GRID2: variants seen among roughly 807,000 people sequenced by gnomAD.
The protein encoded by GRID2 is glutamate receptor ionotropic, delta-2.
A neutral mutation model predicts 114.8 loss-of-function variants in GRID2; 33 were observed. That is an observed-to-expected ratio of 0.29 (90% CI 0.22 to 0.38). The LOEUF (loss-of-function observed/expected upper bound fraction) is 0.38, where lower values mean the gene tolerates loss of function less well. Among genes scored for constraint, GRID2 ranks in the 10% least tolerant of loss-of-function variants. The pLI is 1.00. For synonymous variants in GRID2, 505 were observed against 449.9 expected, an observed-to-expected ratio of 1.12 and a Z score of -1.55; for missense variants, 1,184 against 1,257.7, an observed-to-expected ratio of 0.94 and a Z score of 0.89.
intron 9 of GRID2, among the ~76,000 whole-genome samples, chr4:93,397,648 C>T (rs1248448202): frequency 2.0e-5 from 3 of 151,828 alleles, no homozygotes; most frequent in African/African-American, 7.3e-5. Context: ...AGAAAAACAG[C>T]TCAGATTGAT....
chr4:93,591,268 G>C (rs1025297697), intron 13 of GRID2, among the ~76,000 whole-genome samples: 1 of 151,778 alleles, frequency 6.6e-6, no homozygotes, highest in African/African-American at 2.4e-5. Flanking sequence ...AGCATGAAAA[G>C]TTGTTGAATT....
At chr4:93,213,466 TAGAAGATG>T (rs1408029102) in intron 5 of GRID2, among the ~76,000 whole-genome samples, 2 of 152,196 alleles carry the variant, frequency 1.3e-5, no homozygotes, top group Admixed American at 6.6e-5. Context: ...TATAAGTCTT[TAGAAGATG>T]ATAAAATCTT....
chr4:92,997,926 G>A (rs376416253), intron 2 of GRID2, among the ~76,000 whole-genome samples: 25 of 151,882 alleles, frequency 1.6e-4, no homozygotes, highest in African/African-American at 5.8e-4. Flanking sequence ...CTCACATATC[G>A]TGAATTCCAG....
intron 4 of GRID2, among the ~76,000 whole-genome samples, chr4:93,136,484 AT>A (rs921745834): frequency 1.3e-5 from 2 of 152,104 alleles, no homozygotes; most frequent in African/African-American, 4.8e-5. Context: ...TGAGATGAAA[AT>A]GTCATACTGC....
chr4:92,872,761 C>T (rs1266613785), intron 2 of GRID2, among the ~76,000 whole-genome samples: 3 of 152,152 alleles, frequency 2.0e-5, no homozygotes, highest in Non-Finnish European at 4.4e-5. Context: ...TGACCTTACC[C>T]CTTGGACCCA....
At chr4:93,400,552 C>T (rs1175877060) in intron 9 of GRID2, among the ~76,000 whole-genome samples, 1 of 151,818 alleles carries the variant, frequency 6.6e-6, no homozygotes, top group Non-Finnish European at 1.5e-5. Context: ...TTCATGAAAA[C>T]ACTATTGGAA....
chr4:93,194,074 C>T (rs934672919), intron 4 of GRID2, among the ~76,000 whole-genome samples: 6 of 152,044 alleles, frequency 3.9e-5, no homozygotes, highest in Non-Finnish European at 5.9e-5. Flanking sequence ...AACAGTTTAG[C>T]GGAACTCATT....
chr4:93,372,157 A>G (rs1579858917), intron 8 of GRID2, among the ~76,000 whole-genome samples: 1 of 152,188 alleles, frequency 6.6e-6, no homozygotes. Context: ...AAAGACACAC[A>G]AGTAAACAAA....
At chr4:92,489,938 T>G (rs1188305012) in intron 1 of GRID2, among the ~76,000 whole-genome samples, 1 of 152,122 alleles carries the variant, frequency 6.6e-6, no homozygotes, top group Admixed American at 6.6e-5. Context: ...AAGGAAGTCT[T>G]TGCATTTTTG....
chr4:93,733,130 G>A (rs1730634539), intron 14 of GRID2, among the ~76,000 whole-genome samples: 1 of 152,014 alleles, frequency 6.6e-6, no homozygotes, highest in African/African-American at 2.4e-5. Flanking sequence ...AATTAGGGAG[G>A]CTTTCTAAAA....
At position 92,748,191 on chromosome 4, in the gene GRID2, CA is replaced by C. The variant is rs553061331; in HGVS notation, c.244+157907del. The stretch of plus-strand genomic sequence containing the variant: ...TACATTTTTTCTATGTTTCCCATCT[CA>C]ATATTTAAGGCATGTATTAGAAAAA... On this transcript the variant is annotated intron_variant, in intron 2 of 15. Transcript: ENST00000282020. Among the ~76,000 whole-genome samples the C allele has an allele frequency of 7.7e-4, 117 of 152,180 alleles. 1 individual carries two copies. The highest frequency in any genetic ancestry group is 2.7e-3 in the African/African-American group (113 of 41,500).
At chr4:92,577,481 A>G (rs1727953212) in intron 1 of GRID2, among the ~76,000 whole-genome samples, 2 of 152,238 alleles carry the variant, frequency 1.3e-5, no homozygotes, top group Admixed American at 6.5e-5. Context: ...TCATCTGGGC[A>G]GGAGGTAGTC....
At chr4:93,466,178 AT>A (rs1471195249) in intron 11 of GRID2, among the ~76,000 whole-genome samples, 1 of 152,210 alleles carries the variant, frequency 6.6e-6, no homozygotes, top group African/African-American at 2.4e-5. Flanking sequence ...AAACTAAGCA[AT>A]GTTCACAAAC....
intron 14 of GRID2, among the ~76,000 whole-genome samples, chr4:93,682,726 C>A (rs914483605): frequency 5.6e-5 from 8 of 142,456 alleles, no homozygotes; most frequent in Admixed American, 3.8e-4. Flanking sequence ...ATGGGAATTG[C>A]ACAATGAGAA....
At chr4:93,194,938 A>C (rs1211148767) in intron 4 of GRID2, among the ~76,000 whole-genome samples, 1 of 152,188 alleles carries the variant, frequency 6.6e-6, no homozygotes, top group African/African-American at 2.4e-5. Context: ...CATTGATGTA[A>C]ACAATACTCA....
chr4:92,666,669 T>TTTTTTTTTTTTTA (rs1732801196), intron 2 of GRID2, among the ~76,000 whole-genome samples: 1 of 148,370 alleles, frequency 6.7e-6, no homozygotes, highest in African/African-American at 2.5e-5. Flanking sequence ...TTTTTTTTTT[T>TTTTTTTTTTTTTA]TCAGATCTTT....
chr4:92,762,675 C>T (rs551636388), intron 2 of GRID2, among the ~76,000 whole-genome samples: 4 of 152,202 alleles, frequency 2.6e-5, no homozygotes, highest in Non-Finnish European at 5.9e-5. Flanking sequence ...GGTTTTTGTT[C>T]GTTGTACCCC....
chr4:93,605,515 G>A (rs1412784738), intron 13 of GRID2, among the ~76,000 whole-genome samples: 1 of 152,134 alleles, frequency 6.6e-6, no homozygotes, highest in Non-Finnish European at 1.5e-5. Context: ...TCATTGATCT[G>A]TCACAACATT....
chr4:93,387,843 A>G (rs868632574), intron 8 of GRID2, among the ~76,000 whole-genome samples: 30 of 151,818 alleles, frequency 2.0e-4, no homozygotes, highest in African/African-American at 5.3e-4. Context: ...AAAAAAAAAA[A>G]AAAGAAAGAA....
Sources: allele counts gnomAD v4.1 joint callset (sites outside exome capture counted in the v4.1 genomes callset), GRCh38; gene constraint gnomAD v4.1.1; transcripts MANE v1.5; gene names NCBI Gene and HGNC (gene_info 2026-07-23, HGNC 2026-07-21).